ENOX2: variants seen among roughly 807,000 people sequenced by gnomAD.
ENOX2 encodes the protein APK1 antigen.
A neutral mutation model predicts 45.0 loss-of-function variants in ENOX2; 36 were observed. The observed-to-expected ratio is 0.80, with a 90% confidence interval of 0.61 to 1.06. The LOEUF is 1.06. Among genes scored for constraint, ENOX2 ranks in the 50% least tolerant of loss-of-function variants. The pLI, the probability that ENOX2 is intolerant of heterozygous loss-of-function variation, is 0.00. For missense variants in ENOX2, 423 were observed against 462.5 expected, an observed-to-expected ratio of 0.91 and a Z score of 0.78; for synonymous variants, 174 against 152.3, an observed-to-expected ratio of 1.14 and a Z score of -1.05.
At chrX:130,726,554 T>C (rs959805294) in intron 3 of ENOX2, among the ~76,000 whole-genome samples, 16 of 112,757 alleles carry the variant, frequency 1.4e-4, no homozygotes, top group African/African-American at 5.2e-4. Flanking sequence ...TACAAATGGC[T>C]GCTTGTGAAG....
chrX:130,669,664 T>C (rs1489300712), intron 7 of ENOX2, among the ~76,000 whole-genome samples: 1 of 112,298 alleles, frequency 8.9e-6, no homozygotes, highest in Non-Finnish European at 1.9e-5. Context: ...TCATAGATCA[T>C]GCCTAAAAGT....
chrX:130,829,901 G>T (rs916752356), intron 2 of ENOX2, among the ~76,000 whole-genome samples: 2 of 111,802 alleles, frequency 1.8e-5, no homozygotes, highest in Admixed American at 1.9e-4. Flanking sequence ...ATCAAGAATT[G>T]TCACAAGAGG....
chrX:130,771,700 A>T (rs188897255), intron 3 of ENOX2, among the ~76,000 whole-genome samples: 1 of 112,056 alleles, frequency 8.9e-6, no homozygotes, highest in East Asian at 2.8e-4. Flanking sequence ...CCTTCTGGTT[A>T]GAGTATCTTC....
At chrX:130,738,005 T>C (rs936363865) in intron 3 of ENOX2, among the ~76,000 whole-genome samples, 4 of 111,964 alleles carry the variant, frequency 3.6e-5, no homozygotes, top group Admixed American at 2.8e-4. Flanking sequence ...GGGCTTCTAT[T>C]TGATAGAGGC....
chrX:130,714,386 TG>T (rs2038273111), intron 3 of ENOX2, among the ~76,000 whole-genome samples: 1 of 111,711 alleles, frequency 9.0e-6, no homozygotes, highest in Non-Finnish European at 1.9e-5. Context: ...CTTGGGTGCT[TG>T]CTAAATAGGC....
chrX:130,742,621 C>A (rs993373691), intron 3 of ENOX2, among the ~76,000 whole-genome samples: 1 of 111,393 alleles, frequency 9.0e-6, no homozygotes, highest in Non-Finnish European at 1.9e-5. Flanking sequence ...AAAATGGTAC[C>A]ACCCTTTATT....
In ENOX2 at chrX:130,807,260, G is replaced by A. The variant is rs9887082; in HGVS notation, c.-182-23570C>T. Among the ~76,000 whole-genome samples, 742 of 112,080 alleles carry A rather than the reference G, an allele frequency of 6.6e-3. 8 individuals carry two copies. The highest frequency in any genetic ancestry group is 0.023 in the African/African-American group (698 of 30,918). On this transcript the variant is annotated intron_variant, in intron 2 of 14. Transcript: ENST00000394363. ...TGGAAAAAAGTTGGTAAAAATATTC[G>A]TATGGTTGCTTTAAAATGATGAACT...
chrX:130,804,167 C>G (rs938996499), intron 2 of ENOX2, among the ~76,000 whole-genome samples: 7 of 111,804 alleles, frequency 6.3e-5, no homozygotes, highest in African/African-American at 2.3e-4. Flanking sequence ...ATAAAGAATA[C>G]CAAGGGTATG....
chrX:130,638,459 C>T (rs974929235), intron 10 of ENOX2, among the ~76,000 whole-genome samples: 6 of 110,074 alleles, frequency 5.5e-5, no homozygotes, highest in Non-Finnish European at 1.1e-4. Context: ...CACACACACA[C>T]ACACACACAC....
intron 10 of ENOX2, among the ~76,000 whole-genome samples, chrX:130,654,928 CT>C (rs1294588219): frequency 8.9e-6 from 1 of 111,930 alleles, no homozygotes; most frequent in South Asian, 3.7e-4. Flanking sequence ...CCATATACCC[CT>C]CTCCTCCTCC....
intron 2 of ENOX2, among the ~76,000 whole-genome samples, chrX:130,862,602 G>C (rs781333659): frequency 1.7e-4 from 19 of 110,600 alleles, no homozygotes; most frequent in African/African-American, 4.9e-4. Context: ...ATGTGGGTGG[G>C]TGTGTAACAT....
At chrX:130,697,383 C>T (rs1431764912) in intron 4 of ENOX2, among the ~76,000 whole-genome samples, 1 of 112,360 alleles carries the variant, frequency 8.9e-6, no homozygotes, top group Non-Finnish European at 1.9e-5. Context: ...TACTTTGTTG[C>T]TTCTGCCACT....
chrX:130,662,903 C>A (rs1210191052), intron 9 of ENOX2, among the ~76,000 whole-genome samples: 1 of 111,692 alleles, frequency 9.0e-6, no homozygotes, highest in African/African-American at 3.3e-5. Flanking sequence ...GGGGTTTCTA[C>A]AGTCTACAAG....
intron 5 of ENOX2, among the ~76,000 whole-genome samples, chrX:130,682,567 G>C (rs759700082): frequency 6.7e-4 from 49 of 73,212 alleles, no homozygotes; most frequent in Non-Finnish European, 1.1e-3. Context: ...CTGGGTGACA[G>C]AGCGAGACTC....
At chrX:130,879,597 G>C (rs2078769877) in intron 2 of ENOX2, among the ~76,000 whole-genome samples, 2 of 111,774 alleles carry the variant, frequency 1.8e-5, no homozygotes, top group African/African-American at 3.3e-5. Flanking sequence ...TCTGGAGACA[G>C]AGCTCTAGAC....
At chrX:130,690,868 A>G (rs971255707) in intron 4 of ENOX2, among the ~76,000 whole-genome samples, 17 of 111,792 alleles carry the variant, frequency 1.5e-4, no homozygotes, top group Non-Finnish European at 2.8e-4. Flanking sequence ...AAGCTAGGGC[A>G]CTACCCAGCC....
chrX:130,880,838 G>T (rs777238398), intron 2 of ENOX2, among the ~76,000 whole-genome samples: 1 of 112,114 alleles, frequency 8.9e-6, no homozygotes, highest in African/African-American at 3.2e-5. Flanking sequence ...AGTGCAGCTC[G>T]CATTTAAATT....
intron 6 of ENOX2, among the ~76,000 whole-genome samples, chrX:130,675,589 A>G (rs186127679): frequency 8.9e-6 from 1 of 112,397 alleles, no homozygotes; most frequent in Admixed American, 9.4e-5. Flanking sequence ...AAGCATAGGG[A>G]AAATGACACC....
chrX:130,774,096 G>T, intron 3 of ENOX2, among the ~76,000 whole-genome samples: 1 of 112,087 alleles, frequency 8.9e-6, no homozygotes, highest in Non-Finnish European at 1.9e-5. Context: ...CCATCTTTTG[G>T]TCTACTCTGT....
Sources: gnomAD v4.1 joint callset for allele counts (sites outside exome capture counted in the v4.1 genomes callset) on GRCh38, gnomAD v4.1.1 for gene constraint, MANE v1.5 for transcripts, NCBI Gene and HGNC (gene_info 2026-07-23, HGNC 2026-07-21) for gene names.